VAPB: variants seen among roughly 807,000 people sequenced by gnomAD.
The protein encoded by VAPB is vesicle-associated membrane protein-associated protein B/C.
In VAPB, 7 loss-of-function variants were observed where a neutral mutation model predicts 25.6. The observed-to-expected ratio is 0.27, with a 90% confidence interval of 0.16 to 0.51. The LOEUF (loss-of-function observed/expected upper bound fraction) is 0.51, where lower values mean the gene tolerates loss of function less well. Ranked by LOEUF, VAPB falls within the 20% of genes least tolerant of loss-of-function variation. The pLI is 0.97. For synonymous variants in VAPB, 112 were observed against 109.2 expected (o/e 1.03, Z -0.16); for missense variants, 266 against 301.3 (o/e 0.88, Z 0.87).
rs536862841 is a variant in VAPB, at chr20:58,436,443, C to G, written c.315+1738C>G. Among the ~76,000 whole-genome samples, 41 of 148,976 alleles carry G rather than the reference C, an allele frequency of 2.8e-4. No homozygotes were observed. The South Asian group carries it at 8.5e-3, about 31-fold the overall frequency. On this transcript the variant is annotated intron_variant, in intron 3 of 5. Coordinates refer to ENST00000475243, the MANE Select transcript of VAPB (RefSeq NM_004738.5). The stretch of plus-strand genomic sequence containing the variant: ...CCACCTCCTGGGCTCAAGTGATCCT[C>G]CCACCTCAGCCTCCCAAGTAGCTGG...
At chr20:58,429,224 A>G (rs1334152257) in intron 2 of VAPB, among the ~76,000 whole-genome samples, 1 of 152,056 alleles carries the variant, frequency 6.6e-6, no homozygotes, top group Non-Finnish European at 1.5e-5. Flanking sequence ...GAACTTCCTG[A>G]AAGTTGACAT....
intron 2 of VAPB, among the ~76,000 whole-genome samples, chr20:58,427,878 CAGGCGAAAG>C (rs1455231353): frequency 1.0e-4 from 15 of 149,852 alleles, no homozygotes; most frequent in African/African-American, 3.5e-4. Flanking sequence ...CATTATGATG[CAGGCGAAAG>C]TGATCTGTGA....
intron 1 of VAPB, among the ~76,000 whole-genome samples, chr20:58,390,530 A>G (rs1169919440): frequency 2.6e-5 from 4 of 152,148 alleles, no homozygotes; most frequent in Admixed American, 2.0e-4. Context: ...CTGCTCTCAC[A>G]GAGCTTACCT....
intron 2 of VAPB, among the ~76,000 whole-genome samples, chr20:58,428,759 T>G (rs1283969452): frequency 6.6e-6 from 1 of 152,268 alleles, no homozygotes; most frequent in East Asian, 1.9e-4. Context: ...CATTCTGTCA[T>G]GTTTTTATAA....
intron 1 of VAPB, among the ~76,000 whole-genome samples, chr20:58,407,647 C>T (rs1988263926): frequency 6.6e-6 from 1 of 151,634 alleles, no homozygotes; most frequent in Non-Finnish European, 1.5e-5. Context: ...GATTCATACG[C>T]CCTCCTTTTT....
intron 1 of VAPB, among the ~76,000 whole-genome samples, chr20:58,415,763 G>A (rs1988524599): frequency 6.6e-6 from 1 of 152,132 alleles, no homozygotes; most frequent in South Asian, 2.1e-4. Context: ...TTTATGAAAT[G>A]AAAGTGACTA....
chr20:58,399,880 A>G (rs6026237), intron 1 of VAPB, among the ~76,000 whole-genome samples: 32,370 of 152,046 alleles, frequency 0.21, 3,954 homozygotes, highest in African/African-American at 0.32. Flanking sequence ...TCTCTGCTCC[A>G]AGTCTTTCAT....
chr20:58,440,805 T>C, intron 4 of VAPB, 102 bp from the exon 5 acceptor site: 3 of 1,053,566 alleles, frequency 2.8e-6, no homozygotes, highest in Non-Finnish European at 4.3e-6. Context: ...GTGGATGAAA[T>C]GCTACCACGT....
At chr20:58,411,405 C>A (rs987501191) in intron 1 of VAPB, among the ~76,000 whole-genome samples, 13 of 152,236 alleles carry the variant, frequency 8.5e-5, no homozygotes, top group African/African-American at 3.1e-4. Flanking sequence ...CCTCAGCCTC[C>A]CCAGTAGCTG....
At chr20:58,429,151 T>G (rs1988871709) in intron 2 of VAPB, among the ~76,000 whole-genome samples, 1 of 147,804 alleles carries the variant, frequency 6.8e-6, no homozygotes, top group Non-Finnish European at 1.5e-5. Flanking sequence ...TTTTTTTTTT[T>G]TTTCCAAAGC....
At chr20:58,411,862 G>T (rs908343059) in intron 1 of VAPB, among the ~76,000 whole-genome samples, 2 of 151,928 alleles carry the variant, frequency 1.3e-5, no homozygotes, top group African/African-American at 2.4e-5. Context: ...TGTATTTTTA[G>T]TAGAGACGGG....
intron 1 of VAPB, among the ~76,000 whole-genome samples, chr20:58,391,501 C>T (rs1225418915): frequency 2.0e-5 from 3 of 151,360 alleles, no homozygotes. Context: ...GGCACAAACA[C>T]TGAGATGACT....
chr20:58,439,612 T>TACC (rs1989119169), intron 4 of VAPB: 1 of 158,000 alleles, frequency 6.3e-6, no homozygotes, highest in African/African-American at 2.4e-5. Flanking sequence ...TTGATACTGG[T>TACC]AGTACTTCCC....
At chr20:58,442,892 G>C (rs949262271) in intron 5 of VAPB, among the ~76,000 whole-genome samples, 4 of 152,196 alleles carry the variant, frequency 2.6e-5, no homozygotes, top group Non-Finnish European at 5.9e-5. Context: ...AGGAAACGAA[G>C]AAAAGAAAGT....
chr20:58,444,027 C>T, intron 5 of VAPB, 50 bp from the exon 6 acceptor site: 1 of 1,613,812 alleles, frequency 6.2e-7, no homozygotes, highest in Non-Finnish European at 8.5e-7. Flanking sequence ...CAGTTGACTC[C>T]CCTTTCTGGT....
Position 58,448,482 on chromosome 20 carries a change from A to C in VAPB, c.*4247A>C, listed in dbSNP as rs1305173708. 1 of 454,096 alleles carries C rather than the reference A, an allele frequency of 2.2e-6. No homozygotes were observed. The highest frequency in any genetic ancestry group is 4.4e-6 in the Non-Finnish European group (1 of 226,782). The allele number at this position is 454,096 out of a possible 1,614,324, so 28.1% of individuals were successfully genotyped here. ...CCTTGCAACTGTGACTGGGGGGTAG[A>C]TGGCTCTGTTTGCATACGAAGAAAT... On this transcript the variant is annotated 3_prime_UTR_variant, in exon 6 of 6. Transcript: ENST00000475243.
intron 1 of VAPB, among the ~76,000 whole-genome samples, chr20:58,416,217 T>C (rs1481860447): frequency 6.6e-6 from 1 of 152,118 alleles, no homozygotes; most frequent in Non-Finnish European, 1.5e-5. Flanking sequence ...TTTTATGTGG[T>C]TTATATAAGT....
At chr20:58,433,542 A>G (rs1375301052) in intron 2 of VAPB, among the ~76,000 whole-genome samples, 2 of 152,306 alleles carry the variant, frequency 1.3e-5, no homozygotes, top group Admixed American at 6.5e-5. Flanking sequence ...GGTGGCTGTG[A>G]ACTTAGGTCC....
chr20:58,408,021 C>T (rs1284516395), intron 1 of VAPB, among the ~76,000 whole-genome samples: 1 of 152,058 alleles, frequency 6.6e-6, no homozygotes, highest in South Asian at 2.1e-4. Flanking sequence ...AGCATGTCTT[C>T]CAGTTTAGTT....
Sources: allele counts gnomAD v4.1 joint callset (sites outside exome capture counted in the v4.1 genomes callset), GRCh38; gene constraint gnomAD v4.1.1; transcripts MANE v1.5; gene names NCBI Gene and HGNC (gene_info 2026-07-23, HGNC 2026-07-21).